DLC1: variants seen among roughly 807,000 people sequenced by gnomAD.
DLC1 encodes the protein rho GTPase-activating protein 7.
In DLC1, 54 loss-of-function variants were observed where a neutral mutation model predicts 140.3. The ratio of observed to expected loss-of-function variants is 0.38; its 90% CI spans 0.31 to 0.48. The LOEUF (loss-of-function observed/expected upper bound fraction) is 0.48. Among genes scored for constraint, DLC1 ranks in the 20% least tolerant of loss-of-function variants. The pLI, the probability that DLC1 is intolerant of heterozygous loss-of-function variation, is 0.96. For synonymous variants in DLC1, 986 were observed against 728.1 expected, an observed-to-expected ratio of 1.35 and a Z score of -5.70; for missense variants, 2,536 against 1,907.0, an observed-to-expected ratio of 1.33 and a Z score of -6.14.
intron 1 of DLC1, among the ~76,000 whole-genome samples, chr8:13,528,742 G>T (rs1802999866): frequency 6.6e-6 from 1 of 152,124 alleles, no homozygotes; most frequent in Admixed American, 6.6e-5. Flanking sequence ...TGAGTAGAAG[G>T]TGTGAACTAT....
At chr8:13,572,833 G>C (rs1804709613) in intron 1 of DLC1, among the ~76,000 whole-genome samples, 1 of 152,038 alleles carries the variant, frequency 6.6e-6, no homozygotes, top group South Asian at 2.1e-4. Flanking sequence ...TGTTCCATTG[G>C]TCTCTGTGTC....
intron 4 of DLC1, among the ~76,000 whole-genome samples, chr8:13,376,505 C>G (rs563350982): frequency 6.6e-6 from 1 of 152,116 alleles, no homozygotes; most frequent in Non-Finnish European, 1.5e-5. Context: ...CCCTTTCAAT[C>G]AGGCAATTTT....
intron 2 of DLC1, among the ~76,000 whole-genome samples, chr8:13,457,720 A>T (rs1161383248): frequency 4.6e-5 from 7 of 150,724 alleles, no homozygotes; most frequent in African/African-American, 1.7e-4. Flanking sequence ...AACAGTACAC[A>T]CAATCCCTTC....
chr8:13,468,969 C>T (rs10105209), intron 2 of DLC1, among the ~76,000 whole-genome samples: 3,707 of 151,846 alleles, frequency 0.024, 139 homozygotes, highest in African/African-American at 0.084. Context: ...TGCAGGCATG[C>T]GCCATCACGC....
At chr8:13,504,450 T>G (rs1801961740) in intron 1 of DLC1, among the ~76,000 whole-genome samples, 2 of 152,102 alleles carry the variant, frequency 1.3e-5, no homozygotes, top group African/African-American at 2.4e-5. Context: ...GAGAAGAAAT[T>G]TTTCAAAGAA....
At chr8:13,297,543 T>C (rs1832012903) in intron 5 of DLC1, among the ~76,000 whole-genome samples, 1 of 151,960 alleles carries the variant, frequency 6.6e-6, no homozygotes, top group Non-Finnish European at 1.5e-5. Flanking sequence ...GAGCAAAACA[T>C]TTGCTGATTT....
At chr8:13,455,524 A>G (rs1563362713) in intron 2 of DLC1, among the ~76,000 whole-genome samples, 1 of 152,132 alleles carries the variant, frequency 6.6e-6, no homozygotes, top group African/African-American at 2.4e-5. Flanking sequence ...CCTGCAAGCT[A>G]TTCGGGAAGA....
intron 6 of DLC1, 147 bp downstream of exon 6, chr8:13,115,439 G>T: frequency 1.4e-6 from 1 of 726,426 alleles, no homozygotes; most frequent in Non-Finnish European, 2.1e-6. Context: ...GTTTTCAGCG[G>T]TGGGGGTCTT....
At chr8:13,346,345 A>C (rs543063480) in intron 4 of DLC1, among the ~76,000 whole-genome samples, 1 of 152,344 alleles carries the variant, frequency 6.6e-6, no homozygotes, top group Non-Finnish European at 1.5e-5. Flanking sequence ...ACATTTGTTC[A>C]TAATTGTAGT....
At chr8:13,298,491 T>C (rs73560594) in intron 5 of DLC1, among the ~76,000 whole-genome samples, 2,962 of 152,320 alleles carry the variant, frequency 0.019, 88 homozygotes, top group African/African-American at 0.067. Flanking sequence ...ACACCTGTTT[T>C]ACAGAACATC....
intron 4 of DLC1, among the ~76,000 whole-genome samples, chr8:13,385,024 G>T (rs1307166054): frequency 6.6e-6 from 1 of 152,110 alleles, no homozygotes; most frequent in Non-Finnish European, 1.5e-5. Flanking sequence ...TTATAAAGAA[G>T]GCCAATATAT....
chr8:13,114,715 T>C (rs1820400491), intron 6 of DLC1, among the ~76,000 whole-genome samples: 1 of 152,178 alleles, frequency 6.6e-6, no homozygotes, highest in South Asian at 2.1e-4. Flanking sequence ...AAGAGAAGCA[T>C]AATGTGAGCA....
At chr8:13,377,406 A>C (rs1188717409) in intron 4 of DLC1, among the ~76,000 whole-genome samples, 1 of 152,228 alleles carries the variant, frequency 6.6e-6, no homozygotes, top group Non-Finnish European at 1.5e-5. Context: ...TTTGCCAGCC[A>C]CAAGTGTCTG....
At chr8:13,325,116 C>G (rs1236484448) in intron 4 of DLC1, among the ~76,000 whole-genome samples, 1 of 152,102 alleles carries the variant, frequency 6.6e-6, no homozygotes, top group African/African-American at 2.4e-5. Flanking sequence ...TTTTAGCCTT[C>G]TGTAACTTTT....
intron 1 of DLC1, among the ~76,000 whole-genome samples, chr8:13,552,378 A>G (rs1225052155): frequency 6.6e-6 from 1 of 150,476 alleles, no homozygotes; most frequent in Non-Finnish European, 1.5e-5. Context: ...CCAGTAAATT[A>G]TTTATGGACA....
At chr8:13,317,811 C>G (rs59270417) in intron 4 of DLC1, among the ~76,000 whole-genome samples, 1 of 152,004 alleles carries the variant, frequency 6.6e-6, no homozygotes, top group South Asian at 2.1e-4. Flanking sequence ...AAAGCAAAGT[C>G]AGAGAAATAA....
At chr8:13,096,711 A>T (rs1818524943) in intron 10 of DLC1, among the ~76,000 whole-genome samples, 1 of 139,884 alleles carries the variant, frequency 7.1e-6, no homozygotes, top group Non-Finnish European at 1.6e-5. Context: ...TTGATGCTGA[A>T]GTTAAATCTG....
At chr8:13,369,354 CGAAAA>C (rs935130549) in intron 4 of DLC1, among the ~76,000 whole-genome samples, 8 of 128,100 alleles carry the variant, frequency 6.2e-5, no homozygotes, top group African/African-American at 2.3e-4. Context: ...TTGGCTGGGT[CGAAAA>C]AAAAAAAAAA....
rs752588926 is a variant in DLC1 at position 13,305,252 on chromosome 8, C to A, written c.1348+17G>T. The A allele has an allele frequency of 1.2e-6, 2 of 1,604,204 alleles. No individual in the cohort carries two copies. The highest frequency in any genetic ancestry group is 2.3e-5 in the East Asian group (1 of 44,392). On this transcript the variant is annotated intron_variant, in intron 5 of 17. Coordinates refer to ENST00000276297, the MANE Select transcript of DLC1 (RefSeq NM_182643.3). ...AAAATAGATTGGCGAGAAAACAGAACCAAAATGTCAACTTACCAGCCTTTT... is the reference window on the plus strand; with the variant it reads ...AAAATAGATTGGCGAGAAAACAGAAACAAAATGTCAACTTACCAGCCTTTT...
Sources: gnomAD v4.1 joint callset for allele counts (sites outside exome capture counted in the v4.1 genomes callset) on GRCh38, gnomAD v4.1.1 for gene constraint, MANE v1.5 for transcripts, NCBI Gene and HGNC (gene_info 2026-07-23, HGNC 2026-07-21) for gene names.